The following TFDP2 variants were observed in gnomAD, a reference collection of about 807,000 sequenced individuals.
TFDP2 encodes the protein transcription factor Dp-2.
In TFDP2, 17 loss-of-function variants were observed where a neutral mutation model predicts 59.3. That is an observed-to-expected ratio of 0.29 (90% CI 0.20 to 0.43). TFDP2 has a LOEUF of 0.43. Ranked by LOEUF, TFDP2 falls within the 20% of genes least tolerant of loss-of-function variation. The probability of loss-of-function intolerance (pLI) is 1.00; values close to 1 mark genes in which losing one functional copy is unlikely to be tolerated. For missense variants in TFDP2, 391 were observed against 528.8 expected, an observed-to-expected ratio of 0.74 and a Z score of 2.56; for synonymous variants, 180 against 194.7, an observed-to-expected ratio of 0.92 and a Z score of 0.63.
At chr3:142,134,502 T>C (rs746684223) in intron 1 of TFDP2, among the ~76,000 whole-genome samples, 2 of 152,150 alleles carry the variant, frequency 1.3e-5, no homozygotes, top group Non-Finnish European at 2.9e-5. Context: ...GAAAAATTGC[T>C]TTATTCTGCC....
chr3:142,013,571 A>G (rs1420882961), intron 3 of TFDP2, among the ~76,000 whole-genome samples: 1 of 152,236 alleles, frequency 6.6e-6, no homozygotes, highest in African/African-American at 2.4e-5. Context: ...AACGATTTTT[A>G]ATGTTGCCTG....
At chr3:142,015,542 T>C (rs1945066157) in intron 3 of TFDP2, among the ~76,000 whole-genome samples, 1 of 152,184 alleles carries the variant, frequency 6.6e-6, no homozygotes, top group South Asian at 2.1e-4. Context: ...TCCCGCAAGC[T>C]GGATCTTTAA....
chr3:142,001,584 C>A (rs1943773760), intron 4 of TFDP2, among the ~76,000 whole-genome samples: 1 of 152,228 alleles, frequency 6.6e-6, no homozygotes, highest in South Asian at 2.1e-4. Context: ...CTAGGCCACT[C>A]TTTTGGTGTT....
intron 3 of TFDP2, among the ~76,000 whole-genome samples, chr3:142,007,250 A>C (rs962834259): frequency 9.2e-5 from 14 of 152,194 alleles, no homozygotes; most frequent in Non-Finnish European, 2.9e-5. Flanking sequence ...TATAAAAATC[A>C]AATTCTATTT....
At chr3:142,083,452 G>A (rs1375633420) in intron 3 of TFDP2, among the ~76,000 whole-genome samples, 3 of 152,048 alleles carry the variant, frequency 2.0e-5, no homozygotes, top group Non-Finnish European at 4.4e-5. Context: ...TAGATTCAAT[G>A]CAATCCTATC....
chr3:142,101,370 A>AT (rs1038287883), intron 2 of TFDP2, among the ~76,000 whole-genome samples: 33 of 151,930 alleles, frequency 2.2e-4, no homozygotes, highest in African/African-American at 7.5e-4. Flanking sequence ...AAAAAAAAAA[A>AT]AAAATAAGCC....
intron 2 of TFDP2, among the ~76,000 whole-genome samples, chr3:142,095,021 G>A (rs759190373): frequency 2.7e-5 from 4 of 150,822 alleles, no homozygotes; most frequent in South Asian, 2.1e-4. Flanking sequence ...ATGGAGTTTC[G>A]TTTTTGTTGC....
At chr3:142,023,122 C>CAAAAAAAAA (rs765096570) in intron 3 of TFDP2, among the ~76,000 whole-genome samples, 5 of 59,600 alleles carry the variant, frequency 8.4e-5, no homozygotes, top group Non-Finnish European at 1.1e-4. Context: ...CCCTCCGTCT[C>CAAAAAAAAA]AAAAAAAAAA....
At chr3:142,101,395 T>C (rs2061316646) in intron 2 of TFDP2, among the ~76,000 whole-genome samples, 1 of 149,812 alleles carries the variant, frequency 6.7e-6, no homozygotes, top group African/African-American at 2.4e-5. Context: ...AAAACAGTGA[T>C]TTGCTCAAAA....
At position 141,995,052 on chromosome 3, in the gene TFDP2, T is replaced by C. The variant is rs1339781163; in HGVS notation, c.276A>G (p.Thr92=). ...YTPAPAMVTQ[T]HIAEATGWVP... is the part of the protein sequence containing the mutation. Reference sequence around the variant, plus strand: ...CCCAGCCAGTAGCTTCTGCTATGTGTGTCTGAGTAACCATTGCTGGTGCAG... The same window carrying C: ...CCCAGCCAGTAGCTTCTGCTATGTGCGTCTGAGTAACCATTGCTGGTGCAG... The change falls in exon 5 of 13, where the codon ACA becomes ACG. Residue 92 remains threonine, a synonymous_variant. Transcript: ENST00000489671. 6 of 1,610,028 alleles carry C rather than the reference T, an allele frequency of 3.7e-6. No individual in the cohort carries two copies. Among genetic ancestry groups the C allele is most frequent in the Non-Finnish European group, 5.1e-6 (6 of 1,177,822 alleles).
intron 2 of TFDP2, among the ~76,000 whole-genome samples, chr3:142,099,288 T>C (rs1235751644): frequency 6.6e-6 from 1 of 152,226 alleles, no homozygotes; most frequent in African/African-American, 2.4e-5. Flanking sequence ...ATGGCTTCTC[T>C]TGCTTTCCAC....
intron 1 of TFDP2, among the ~76,000 whole-genome samples, chr3:142,113,387 T>C (rs1276488883): frequency 1.3e-5 from 2 of 151,982 alleles, no homozygotes; most frequent in African/African-American, 4.8e-5. Flanking sequence ...GCCTCCCGAG[T>C]AGCTGGGACT....
chr3:142,076,210 CAAAAAAAAAAA>C (rs56018016), intron 3 of TFDP2, among the ~76,000 whole-genome samples: 6 of 112,150 alleles, frequency 5.3e-5, no homozygotes, highest in East Asian at 5.0e-4. Context: ...GACTCCGTCT[CAAAAAAAAAAA>C]AAAAAGAAAA....
chr3:142,062,433 A>T (rs1170692331), intron 3 of TFDP2, among the ~76,000 whole-genome samples: 2 of 150,066 alleles, frequency 1.3e-5, no homozygotes, highest in Non-Finnish European at 3.0e-5. Context: ...GTGTGTATAT[A>T]TATAGTCATA....
At position 142,128,563 on chromosome 3, in the gene TFDP2, A is replaced by G. The variant is rs74692112; in HGVS notation, c.-93+20620T>C. 4.5e-4 allele frequency among the ~76,000 whole-genome samples: 68 copies of G among 152,272 alleles called. No individual in the cohort carries two copies. In the East Asian group the frequency reaches 0.013, roughly 29 times the overall value. On this transcript the variant is annotated intron_variant, in intron 1 of 12. Coordinates refer to ENST00000489671, the MANE Select transcript of TFDP2 (RefSeq NM_001178139.2). ...GGTCTTTAATCTGAACAGATGGCCA[A>G]AGTTTACTAAACAACTGAGGAAAAT...
intron 6 of TFDP2, among the ~76,000 whole-genome samples, 155 bp downstream of exon 6, chr3:141,993,383 C>G (rs11569213): frequency 1.3e-5 from 2 of 152,064 alleles, no homozygotes; most frequent in African/African-American, 2.4e-5. Context: ...TATGAGTGAA[C>G]TGGGGCACTC....
intron 3 of TFDP2, chr3:142,044,191 A>G (rs922880371): frequency 2.3e-6 from 1 of 425,558 alleles, no homozygotes. Context: ...AAGCCTGAGC[A>G]TACTCATGGC....
chr3:142,135,362 C>T (rs556668926), intron 1 of TFDP2, among the ~76,000 whole-genome samples: 17 of 151,940 alleles, frequency 1.1e-4, no homozygotes, highest in East Asian at 5.8e-4. Context: ...CATTTCTTGA[C>T]GTCCATATTT....
At chr3:142,002,592 T>C (rs1943885336) in intron 4 of TFDP2, among the ~76,000 whole-genome samples, 2 of 152,078 alleles carry the variant, frequency 1.3e-5, no homozygotes, top group Admixed American at 1.3e-4. Context: ...ACCACGGAGG[T>C]AATCTCTAAG....
Sources: gnomAD v4.1 joint callset for allele counts (sites outside exome capture counted in the v4.1 genomes callset) on GRCh38, gnomAD v4.1.1 for gene constraint, MANE v1.5 for transcripts, NCBI Gene and HGNC (gene_info 2026-07-23, HGNC 2026-07-21) for gene names.